The following CRHR1 variants were observed in gnomAD, a reference collection of about 807,000 sequenced individuals.
CRHR1 encodes corticotropin releasing hormone receptor 1.
Under a neutral mutation model 56.0 loss-of-function variants are expected in CRHR1, and 28 were observed. The observed-to-expected ratio is 0.50, with a 90% CI of 0.37 to 0.69. The LOEUF is 0.69. Among genes scored for constraint, CRHR1 ranks in the 30% least tolerant of loss-of-function variants. The pLI is 0.00. For missense variants in CRHR1, 376 were observed against 548.0 expected (o/e 0.69, Z 3.13); for synonymous variants, 195 against 216.5 (o/e 0.90, Z 0.87).
chr17:45,802,221 A>G (rs1163745799), intron 1 of CRHR1, among the ~76,000 whole-genome samples: 1 of 152,158 alleles, frequency 6.6e-6, no homozygotes, highest in African/African-American at 2.4e-5. Flanking sequence ...GCTACTTGGG[A>G]GGCTGAGGCA....
rs577237430 is a variant in CRHR1, at chr17:45,816,711, T to C, written c.241+129T>C. Reference sequence around the variant, plus strand: ...CCTCTTGTGGGGATCGCCCCTGTTTTCCAAAGGTCAGCGCTGTATTCTCCT... The same window carrying C: ...CCTCTTGTGGGGATCGCCCCTGTTTCCCAAAGGTCAGCGCTGTATTCTCCT... On this transcript the variant is annotated intron_variant, in intron 3 of 12. Coordinates refer to ENST00000314537, the MANE Select transcript of CRHR1 (RefSeq NM_004382.5). 1.3e-5 allele frequency: 19 copies of C among 1,441,728 alleles called. No individual in the cohort carries two copies. The African/African-American group carries it at 2.1e-4, about 16-fold the overall frequency. 89.3% of individuals were successfully genotyped at this position (1,441,728 alleles called of 1,614,324 possible).
Position 45,816,651 on chromosome 17 carries a change from G to A in CRHR1, c.241+69G>A. 1.9e-6 allele frequency: 3 copies of A among 1,603,004 alleles called. No individual in the cohort carries two copies. In the South Asian group the frequency reaches 3.3e-5, roughly 18 times the overall value. ...CAGGATGGGGAGAGCTTGGAGGTGG[G>A]GGAAGGAAGAATGACGATGACAATA... On this transcript the variant is annotated intron_variant, in intron 3 of 12. Coordinates refer to ENST00000314537, the MANE Select transcript of CRHR1 (RefSeq NM_004382.5).
intron 2 of CRHR1, among the ~76,000 whole-genome samples, chr17:45,814,849 T>C (rs1252154024): frequency 1.3e-5 from 2 of 152,272 alleles, no homozygotes; most frequent in Non-Finnish European, 2.9e-5. Flanking sequence ...CTCGTGTCCA[T>C]TAAGCCCCAA....
At chr17:45,829,100 G>T in intron 4 of CRHR1, 115 bp from the exon 5 acceptor site, 1 of 745,322 alleles carries the variant, frequency 1.3e-6, no homozygotes, top group South Asian at 1.7e-5. Context: ...CTCAGGAAGG[G>T]GGAGTGGCCC....
chr17:45,786,721 C>G, intron 1 of CRHR1, among the ~76,000 whole-genome samples: 1 of 148,544 alleles, frequency 6.7e-6, no homozygotes, highest in East Asian at 2.0e-4. Flanking sequence ...CTCACTGAAG[C>G]CTCAACCTCC....
Position 45,804,527 on chromosome 17 carries a change from G to A in CRHR1, c.34-2483G>A, listed in dbSNP as rs556766360. On this transcript the variant is annotated intron_variant, in intron 1 of 12. Coordinates refer to ENST00000314537, the MANE Select transcript of CRHR1 (RefSeq NM_004382.5). The stretch of plus-strand genomic sequence containing the variant: ...ACAGGACTGGGAGGGAGTGGGTACC[G>A]TGAAAGGGGGTGGCCCTGGTGGGGT... 3.3e-5 allele frequency among the ~76,000 whole-genome samples: 5 copies of A among 152,200 alleles called. No homozygotes were observed. In the South Asian group the frequency reaches 8.3e-4, roughly 25 times the overall value.
In CRHR1 at chr17:45,829,085, A is replaced by G. The variant is rs114499936; in HGVS notation, c.328-130A>G. Reference sequence around the variant, plus strand: ...TCTGCAGCGAGGCCTGACCCTCAGCAGATGCTCAGGAAGGGGGAGTGGCCC... The same window carrying G: ...TCTGCAGCGAGGCCTGACCCTCAGCGGATGCTCAGGAAGGGGGAGTGGCCC... On this transcript the variant is annotated intron_variant, in intron 4 of 12. Transcript: ENST00000314537. 1,293 of 689,946 alleles carry G rather than the reference A, an allele frequency of 1.9e-3. 10 individuals are homozygous for G. Among genetic ancestry groups the G allele is most frequent in the African/African-American group, 0.019 (1,052 of 56,578 alleles). 42.7% of individuals were successfully genotyped at this position (689,946 alleles called of 1,614,324 possible).
intron 2 of CRHR1, among the ~76,000 whole-genome samples, chr17:45,814,764 G>C (rs2143038400): frequency 6.6e-6 from 1 of 152,340 alleles, no homozygotes; most frequent in South Asian, 2.1e-4. Context: ...GCCACTCCGT[G>C]ATAACATTCA....
chr17:45,790,904 T>G (rs1207227287), intron 1 of CRHR1, among the ~76,000 whole-genome samples: 11 of 152,196 alleles, frequency 7.2e-5, no homozygotes, highest in Non-Finnish European at 1.5e-4. Flanking sequence ...TGCTGGGATG[T>G]CAGGGGCTTT....
chr17:45,806,599 G>C (rs956914498), intron 1 of CRHR1, among the ~76,000 whole-genome samples: 1 of 152,218 alleles, frequency 6.6e-6, no homozygotes, highest in African/African-American at 2.4e-5. Flanking sequence ...GGTGGTCAGC[G>C]GGCCGGTGGG....
chr17:45,804,184 A>G (rs1407671379), intron 1 of CRHR1, among the ~76,000 whole-genome samples: 3 of 152,204 alleles, frequency 2.0e-5, no homozygotes, highest in Non-Finnish European at 4.4e-5. Flanking sequence ...ATCACTCCTG[A>G]GTCCCAGGCG....
chr17:45,829,610 G>A, intron 5 of CRHR1: 2 of 1,551,068 alleles, frequency 1.3e-6, no homozygotes, highest in Non-Finnish European at 1.7e-6. Flanking sequence ...CCTGGAGGTG[G>A]GGGCTCCATG....
At chr17:45,820,823 A>G (rs987870369) in intron 3 of CRHR1, among the ~76,000 whole-genome samples, 16 of 152,274 alleles carry the variant, frequency 1.1e-4, no homozygotes, top group African/African-American at 3.9e-4. Context: ...CAGCACAGCC[A>G]GTGAGGACCT....
At chr17:45,818,704 C>A (rs1373990488) in intron 3 of CRHR1, among the ~76,000 whole-genome samples, 1 of 152,188 alleles carries the variant, frequency 6.6e-6, no homozygotes, top group Non-Finnish European at 1.5e-5. Context: ...CCCGTGCAGT[C>A]AGTCACAAGT....
rs1418431014 is a variant in CRHR1 at position 45,784,523 on chromosome 17, C to T, written c.-22C>T. The T allele has an allele frequency of 3.2e-6, 5 of 1,543,700 alleles. No homozygotes were observed. The highest frequency in any genetic ancestry group is 3.9e-5 in the Admixed American group (2 of 51,472). ...GTCCGTAGGACCCGGGCATTCAGGACGGTAGCCGAGCGAGCCCGAGGATGG... is the reference window on the plus strand; with the variant it reads ...GTCCGTAGGACCCGGGCATTCAGGATGGTAGCCGAGCGAGCCCGAGGATGG... On this transcript the variant is annotated 5_prime_UTR_variant, in exon 1 of 13. In the 5' UTR this introduces an upstream ATG that the reference lacks. Coordinates refer to ENST00000314537, the MANE Select transcript of CRHR1 (RefSeq NM_004382.5). This position sits in a 1 kb window ranked among gnomAD's most constrained non-coding sequence, Gnocchi z 4.2.
chr17:45,795,433 A>G (rs534269632), intron 1 of CRHR1, among the ~76,000 whole-genome samples: 8 of 152,274 alleles, frequency 5.3e-5, no homozygotes, highest in African/African-American at 1.7e-4. Context: ...GGGCCAGATA[A>G]TCCTTCACTG....
At chr17:45,789,739 C>T (rs1266154525) in intron 1 of CRHR1, among the ~76,000 whole-genome samples, 1 of 152,208 alleles carries the variant, frequency 6.6e-6, no homozygotes, top group East Asian at 1.9e-4. Flanking sequence ...CCTTACCCCA[C>T]CCAGTGTGGC....
intron 2 of CRHR1, among the ~76,000 whole-genome samples, chr17:45,811,632 G>A (rs1378273065): frequency 2.6e-5 from 4 of 152,138 alleles, no homozygotes; most frequent in Non-Finnish European, 5.9e-5. Context: ...TGATAGGAAC[G>A]TTGACACCTC....
At chr17:45,808,115 G>C (rs2061753422) in intron 2 of CRHR1, among the ~76,000 whole-genome samples, 2 of 152,206 alleles carry the variant, frequency 1.3e-5, no homozygotes, top group African/African-American at 2.4e-5. Flanking sequence ...TACACAGCAG[G>C]CCCCACGCAG....
Sources: gnomAD v4.1 joint callset for allele counts (sites outside exome capture counted in the v4.1 genomes callset) on GRCh38, gnomAD v4.1.1 for gene constraint, Gnocchi (gnomAD v3.1) non-coding constraint, MANE v1.5 for transcripts, NCBI Gene and HGNC (gene_info 2026-07-23, HGNC 2026-07-21) for gene names.